Variants in RCOR1 observed in about 807,000 individuals in gnomAD.
The protein encoded by RCOR1 is REST corepressor.
Under a neutral mutation model 64.0 loss-of-function variants are expected in RCOR1, and 12 were observed. That is an observed-to-expected ratio of 0.19 (90% CI 0.12 to 0.30). The LOEUF (loss-of-function observed/expected upper bound fraction) is 0.30, where lower values mean the gene tolerates loss of function less well. Ranked by LOEUF, RCOR1 falls within the 10% of genes least tolerant of loss-of-function variation. The pLI, the probability that RCOR1 is intolerant of heterozygous loss-of-function variation, is 1.00. For synonymous variants in RCOR1, 279 were observed against 227.2 expected (o/e 1.23, Z -2.05); for missense variants, 502 against 621.2 (o/e 0.81, Z 2.04).
intron 2 of RCOR1, among the ~76,000 whole-genome samples, chr14:102,613,494 G>A (rs1893678793): frequency 1.4e-5 from 2 of 143,552 alleles, no homozygotes; most frequent in South Asian, 2.2e-4. Flanking sequence ...GTGCTGTGGC[G>A]CGATCTCTGC....
At chr14:102,602,505 G>T (rs926402364) in intron 2 of RCOR1, among the ~76,000 whole-genome samples, 1 of 150,466 alleles carries the variant, frequency 6.6e-6, no homozygotes, top group Non-Finnish European at 1.5e-5. Flanking sequence ...CCCGGTTCAA[G>T]TGATTGTCCT....
At chr14:102,612,050 T>C (rs778019746) in intron 2 of RCOR1, among the ~76,000 whole-genome samples, 37 of 152,092 alleles carry the variant, frequency 2.4e-4, no homozygotes, top group Non-Finnish European at 4.7e-4. Context: ...CAAGCGATCA[T>C]CCCTCCTCAG....
chr14:102,652,864 TAAA>T (rs1341606656), intron 2 of RCOR1, among the ~76,000 whole-genome samples: 1 of 152,186 alleles, frequency 6.6e-6, no homozygotes, highest in Non-Finnish European at 1.5e-5. Flanking sequence ...GGAGTGTGGA[TAAA>T]AAACTGTTTG....
At chr14:102,654,424 T>G (rs1034355319) in intron 2 of RCOR1, among the ~76,000 whole-genome samples, 2 of 152,188 alleles carry the variant, frequency 1.3e-5, no homozygotes, top group Non-Finnish European at 2.9e-5. Context: ...TTTGAGCTTG[T>G]CATTTAGTAT....
Position 102,729,201 on chromosome 14 carries a change from T to C in RCOR1, c.*2695T>C, listed in dbSNP as rs1033998232. ...AATAGTTTAACTTTTAGTTTAGAAC[T>C]CCTAAAAGATATAAATTGTATTGCA... is the stretch of plus-strand genomic sequence containing the variant. On this transcript the variant is annotated 3_prime_UTR_variant, in exon 12 of 12. Coordinates refer to ENST00000262241, the MANE Select transcript of RCOR1 (RefSeq NM_015156.4). 3 of 152,708 alleles carry C rather than the reference T, an allele frequency of 2.0e-5. No individual in the cohort carries two copies. Among genetic ancestry groups the C allele is most frequent in the African/African-American group, 7.2e-5 (3 of 41,484 alleles). The allele number at this position is 152,708 out of a possible 1,614,324, so 9.5% of individuals were successfully genotyped here.
chr14:102,685,969 A>C (rs1193047252), intron 3 of RCOR1, among the ~76,000 whole-genome samples: 1 of 152,150 alleles, frequency 6.6e-6, no homozygotes, highest in Non-Finnish European at 1.5e-5. Context: ...ATAATTTTGA[A>C]TGTTCCTAAT....
rs200224174 is a variant in RCOR1 at position 102,653,971 on chromosome 14, C to T, written c.362-27924C>T. Among the ~76,000 whole-genome samples, 63 of 37,318 alleles carry T rather than the reference C, an allele frequency of 1.7e-3. 1 individual carries two copies. Among genetic ancestry groups the T allele is most frequent in the African/African-American group, 5.2e-3 (27 of 5,160 alleles). The allele number at this position is 37,318 out of a possible 152,430, so 24.5% of individuals were successfully genotyped here. On this transcript the variant is annotated intron_variant, in intron 2 of 11. Coordinates refer to ENST00000262241, the MANE Select transcript of RCOR1 (RefSeq NM_015156.4). ...TCTTTCTTTCTTTCTTTCTTTCTTTCTTTCTTTCTTTCTTTTTTTTTTTTT... is the reference window on the plus strand; with the variant it reads ...TCTTTCTTTCTTTCTTTCTTTCTTTTTTTCTTTCTTTCTTTTTTTTTTTTT...
chr14:102,707,353 T>A lies in RCOR1; in HGVS notation c.501T>A (p.Ala167=), dbSNP rs763482433. 6.3e-7 allele frequency: 1 copy of A among 1,597,380 alleles called. No individual in the cohort carries two copies. The highest frequency in any genetic ancestry group is 8.5e-7 in the Non-Finnish European group (1 of 1,175,154). The change falls in exon 5 of 12, where the codon GCT becomes GCA. Residue 167 remains alanine, a splice_region_variant and synonymous_variant. Transcript: ENST00000262241. ...KEKHGYNMEQ[A]LGMLFWHKHN... is the part of the protein sequence containing the mutation. The stretch of plus-strand genomic sequence containing the variant: ...TTTTACTGATATCATTTTTGTAGGC[T>A]CTTGGGATGCTCTTCTGGCATAAAC...
In RCOR1 at chr14:102,665,527, C is replaced by T. The variant is rs577058442; in HGVS notation, c.362-16368C>T. Among the ~76,000 whole-genome samples the T allele has an allele frequency of 1.7e-4, 26 of 152,176 alleles. 1 individual carries two copies. In the South Asian group the frequency reaches 4.8e-3, roughly 28 times the overall value. On this transcript the variant is annotated intron_variant, in intron 2 of 11. Transcript: ENST00000262241. ...GTAAGCTGAGGAGCATCTGTATGTA[C>T]CAGGTACTTAATATTAAGGTGGCCT...
At chr14:102,594,801 T>G (rs1273732009) in intron 2 of RCOR1, among the ~76,000 whole-genome samples, 1 of 152,172 alleles carries the variant, frequency 6.6e-6, no homozygotes, top group Non-Finnish European at 1.5e-5. Flanking sequence ...TTGGTTACAG[T>G]TGACCCTGTC....
chr14:102,593,061 G>GCCT lies in RCOR1; in HGVS notation c.177_179dup (p.Ser60dup). ...CGCCTCCTCAGCCTCGGCCGCCGCC[G>GCCT]CCTCAGCCGCCGCCGCCCCCAATAA... On this transcript the variant is annotated inframe_insertion, in exon 1 of 12. Transcript: ENST00000262241. The GCCT allele has an allele frequency of 9.3e-6, 13 of 1,398,138 alleles. No individual in the cohort carries two copies. Among genetic ancestry groups the GCCT allele is most frequent in the Non-Finnish European group, 1.2e-5 (13 of 1,068,432 alleles). 86.6% of individuals were successfully genotyped at this position (1,398,138 alleles called of 1,614,324 possible).
intron 2 of RCOR1, among the ~76,000 whole-genome samples, chr14:102,615,128 G>GTCC (rs1567408575): frequency 7.5e-6 from 1 of 132,494 alleles, no homozygotes; most frequent in Non-Finnish European, 1.6e-5. Flanking sequence ...ATAGTGCCCG[G>GTCC]CCCCCCCGCC....
intron 3 of RCOR1, among the ~76,000 whole-genome samples, chr14:102,688,494 G>T (rs959712084): frequency 1.3e-5 from 2 of 152,170 alleles, no homozygotes; most frequent in African/African-American, 4.8e-5. Context: ...GAAGAGTAGA[G>T]AAGAGGTTTA....
rs565444529 is a variant in RCOR1, at chr14:102,717,560, G to A, written c.1053+2943G>A. ...TCTCACAGAATATGTCTGGGCTACT[G>A]TGTGAGAGAGCATTTGAAGTTCTGT... On this transcript the variant is annotated intron_variant, in intron 8 of 11. Coordinates refer to ENST00000262241, the MANE Select transcript of RCOR1 (RefSeq NM_015156.4). Among the ~76,000 whole-genome samples, 6 of 152,342 alleles carry A rather than the reference G, an allele frequency of 3.9e-5. No homozygotes were observed. The South Asian group carries it at 1.0e-3, about 26-fold the overall frequency.
intron 2 of RCOR1, among the ~76,000 whole-genome samples, chr14:102,616,376 C>T (rs1893763377): frequency 6.6e-6 from 1 of 152,022 alleles, no homozygotes; most frequent in Non-Finnish European, 1.5e-5. Flanking sequence ...CTCAGGCTAT[C>T]CTCCCATCTC....
intron 3 of RCOR1, among the ~76,000 whole-genome samples, chr14:102,700,978 C>T (rs542406095): frequency 2.0e-5 from 3 of 152,286 alleles, no homozygotes; most frequent in South Asian, 2.1e-4. Flanking sequence ...ACATGGATGG[C>T]GGCAGGCAAA....
chr14:102,704,859 G>A (rs1359860846), intron 4 of RCOR1, among the ~76,000 whole-genome samples: 1 of 152,194 alleles, frequency 6.6e-6, no homozygotes, highest in Non-Finnish European at 1.5e-5. Context: ...GCATGGTGGT[G>A]TGTGCCTGTG....
intron 2 of RCOR1, among the ~76,000 whole-genome samples, chr14:102,618,979 CAGG>C (rs1241708330): frequency 2.6e-5 from 4 of 152,050 alleles, no homozygotes; most frequent in Non-Finnish European, 5.9e-5. Context: ...TTTGCGAAGT[CAGG>C]AGTAGTTTGA....
rs1034655326 is a variant in RCOR1, at chr14:102,596,178, C to G, written c.361+2853C>G. Among the ~76,000 whole-genome samples, 5 of 151,092 alleles carry G rather than the reference C, an allele frequency of 3.3e-5. 1 individual carries two copies. Among genetic ancestry groups the G allele is most frequent in the African/African-American group, 1.2e-4 (5 of 41,088 alleles). ...GTGCAATGGCGTGATCTGGGCTCAC[C>G]GCAACCTCTGCCTCCTGGGTTCAAG... On this transcript the variant is annotated intron_variant, in intron 2 of 11. Transcript: ENST00000262241.
Sources: gnomAD v4.1 joint callset for allele counts (sites outside exome capture counted in the v4.1 genomes callset) on GRCh38, gnomAD v4.1.1 for gene constraint, MANE v1.5 for transcripts, NCBI Gene and HGNC (gene_info 2026-07-23, HGNC 2026-07-21) for gene names.